The following MACROD2 variants were observed in gnomAD, a reference collection of about 807,000 sequenced individuals.
MACROD2 encodes the protein mono-ADP ribosylhydrolase 2, also known as ADP-ribose glycohydrolase MACROD2.
Under a neutral mutation model 70.4 loss-of-function variants are expected in MACROD2, and 36 were observed. The observed-to-expected ratio is 0.51, with a 90% CI of 0.39 to 0.68. MACROD2 has a LOEUF of 0.68. Among genes scored for constraint, MACROD2 ranks in the 30% least tolerant of loss-of-function variants. The pLI is 0.00. For missense variants in MACROD2, 496 were observed against 538.4 expected (o/e 0.92, Z 0.78); for synonymous variants, 172 against 178.8 (o/e 0.96, Z 0.30).
At chr20:15,148,529 A>T (rs1481091827) in intron 5 of MACROD2, among the ~76,000 whole-genome samples, 2 of 152,010 alleles carry the variant, frequency 1.3e-5, no homozygotes, top group African/African-American at 4.8e-5. Flanking sequence ...AACAGTGTAA[A>T]CTGGCACTGT....
At chr20:15,582,946 C>T (rs561003754) in intron 8 of MACROD2, among the ~76,000 whole-genome samples, 1 of 152,186 alleles carries the variant, frequency 6.6e-6, no homozygotes, top group South Asian at 2.1e-4. Context: ...AAAATGGCCT[C>T]GGCTCTCACC....
At chr20:15,049,589 A>G (rs2075422851) in intron 5 of MACROD2, among the ~76,000 whole-genome samples, 1 of 152,206 alleles carries the variant, frequency 6.6e-6, no homozygotes, top group South Asian at 2.1e-4. Context: ...TAGTCAAGGC[A>G]TAGTGTGCTA....
At chr20:14,080,442 C>CAAAAAAAAA (rs61598345) in intron 2 of MACROD2, among the ~76,000 whole-genome samples, 2 of 64,072 alleles carry the variant, frequency 3.1e-5, no homozygotes, top group African/African-American at 6.3e-5. Flanking sequence ...AACCCCGTCT[C>CAAAAAAAAA]AAAAAAAAAA....
At chr20:14,359,382 T>A (rs1015399859) in intron 3 of MACROD2, among the ~76,000 whole-genome samples, 1 of 152,116 alleles carries the variant, frequency 6.6e-6, no homozygotes, top group Non-Finnish European at 1.5e-5. Context: ...TGTAAACTAG[T>A]ACAGCCATTA....
At chr20:14,463,636 T>A (rs1438916298) in intron 3 of MACROD2, among the ~76,000 whole-genome samples, 1 of 152,008 alleles carries the variant, frequency 6.6e-6, no homozygotes, top group Non-Finnish European at 1.5e-5. Context: ...ATACTTCCAG[T>A]TTTTGCCCAT....
intron 5 of MACROD2, among the ~76,000 whole-genome samples, chr20:15,106,550 A>G (rs1358064265): frequency 1.3e-5 from 2 of 152,196 alleles, no homozygotes; most frequent in Non-Finnish European, 2.9e-5. Flanking sequence ...CCCTCAGAAG[A>G]AATTATGAAT....
chr20:15,448,553 A>G (rs545649716), intron 7 of MACROD2, among the ~76,000 whole-genome samples: 1 of 152,246 alleles, frequency 6.6e-6, no homozygotes, highest in Admixed American at 6.5e-5. Context: ...TGTTTGACAA[A>G]TGGTAGAGAG....
intron 4 of MACROD2, among the ~76,000 whole-genome samples, chr20:14,512,081 A>G (rs1015830735): frequency 6.6e-6 from 1 of 152,112 alleles, no homozygotes; most frequent in Non-Finnish European, 1.5e-5. Flanking sequence ...TTGAAGAGGC[A>G]AAAATGAATT....
chr20:15,751,533 C>T (rs1423369609), intron 8 of MACROD2, among the ~76,000 whole-genome samples: 2 of 151,960 alleles, frequency 1.3e-5, no homozygotes, highest in Admixed American at 6.6e-5. Flanking sequence ...TCTATGAAAG[C>T]TATGTTTTCT....
intron 5 of MACROD2, among the ~76,000 whole-genome samples, chr20:15,121,079 C>T (rs905887707): frequency 6.6e-6 from 1 of 152,188 alleles, no homozygotes; most frequent in African/African-American, 2.4e-5. Context: ...TTGTCAATTC[C>T]ATTTGATACA....
chr20:15,810,358 A>G (rs1369752636), intron 8 of MACROD2, among the ~76,000 whole-genome samples: 2 of 151,668 alleles, frequency 1.3e-5, no homozygotes, highest in Non-Finnish European at 2.9e-5. Context: ...AGCATGATTT[A>G]TAGTCCTTTG....
At chr20:14,487,023 T>C (rs1372579514) in intron 3 of MACROD2, among the ~76,000 whole-genome samples, 1 of 152,194 alleles carries the variant, frequency 6.6e-6, no homozygotes, top group Non-Finnish European at 1.5e-5. Context: ...AGTTCTTCCT[T>C]AAACTCCCAT....
chr20:14,482,511 C>T (rs1340735546), intron 3 of MACROD2, among the ~76,000 whole-genome samples: 1 of 150,900 alleles, frequency 6.6e-6, no homozygotes, highest in African/African-American at 2.4e-5. Flanking sequence ...GAAGTTAGTT[C>T]AAATTTCTTG....
intron 7 of MACROD2, among the ~76,000 whole-genome samples, chr20:15,446,043 A>G (rs1281042614): frequency 2.6e-5 from 4 of 152,162 alleles, no homozygotes; most frequent in African/African-American, 9.7e-5. Context: ...ATTTGAATTG[A>G]GGCTTTTCCA....
chr20:14,840,933 G>C (rs1350591168), intron 5 of MACROD2, among the ~76,000 whole-genome samples: 1 of 152,110 alleles, frequency 6.6e-6, no homozygotes, highest in Admixed American at 6.6e-5. Context: ...GTCTTCATCA[G>C]ATGTTCCATA....
In MACROD2 at chr20:14,764,598, T is replaced by G. The variant is rs1247044013; in HGVS notation, c.418+79639T>G. On this transcript the variant is annotated intron_variant, in intron 5 of 17. Coordinates refer to ENST00000684519, the MANE Select transcript of MACROD2 (RefSeq NM_001351661.2). ...AGCAAGTACCTTCATGGATCCTTATTTACCCTAAAACAGTTTCTAAAATCT... is the reference window on the plus strand; with the variant it reads ...AGCAAGTACCTTCATGGATCCTTATGTACCCTAAAACAGTTTCTAAAATCT... 2.6e-5 allele frequency among the ~76,000 whole-genome samples: 4 copies of G among 152,080 alleles called. No individual in the cohort carries two copies. In the East Asian group the frequency reaches 7.7e-4, roughly 29 times the overall value.
intron 7 of MACROD2, among the ~76,000 whole-genome samples, chr20:15,486,225 T>C (rs1226183057): frequency 6.6e-6 from 1 of 152,074 alleles, no homozygotes; most frequent in Non-Finnish European, 1.5e-5. Context: ...AGTGAATCCA[T>C]ACTTGATCTT....
At chr20:14,390,098 C>T (rs539996897) in intron 3 of MACROD2, among the ~76,000 whole-genome samples, 1 of 152,184 alleles carries the variant, frequency 6.6e-6, no homozygotes, top group Non-Finnish European at 1.5e-5. Context: ...TCCCATACAC[C>T]AACAGCAGTC....
intron 6 of MACROD2, among the ~76,000 whole-genome samples, chr20:15,380,830 A>C (rs576494587): frequency 6.6e-6 from 1 of 152,328 alleles, no homozygotes; most frequent in Admixed American, 6.5e-5. Flanking sequence ...TAGCTATAAC[A>C]TTGTGAATAG....
Sources: allele counts gnomAD v4.1 joint callset (sites outside exome capture counted in the v4.1 genomes callset), GRCh38; gene constraint gnomAD v4.1.1; transcripts MANE v1.5; gene names NCBI Gene and HGNC (gene_info 2026-07-23, HGNC 2026-07-21).